DNAH2: variants seen among roughly 807,000 people sequenced by gnomAD.
The protein encoded by DNAH2 is dynein axonemal heavy chain 2.
A neutral mutation model predicts 523.5 loss-of-function variants in DNAH2; 323 were observed. The observed-to-expected ratio is 0.62, with a 90% confidence interval of 0.56 to 0.68. DNAH2 has a LOEUF of 0.68. Ranked by LOEUF, DNAH2 falls within the 30% of genes least tolerant of loss-of-function variation. The pLI, the probability that DNAH2 is intolerant of heterozygous loss-of-function variation, is 0.00. For synonymous variants in DNAH2, 2,093 were observed against 2,177.4 expected, an observed-to-expected ratio of 0.96 and a Z score of 1.08; for missense variants, 4,907 against 5,701.5, an observed-to-expected ratio of 0.86 and a Z score of 4.49.
Position 7,780,991 on chromosome 17 carries a change from A to G in DNAH2, c.6004-51A>G. On this transcript the variant is annotated intron_variant, in intron 38 of 85. Coordinates refer to ENST00000572933, the MANE Select transcript of DNAH2 (RefSeq NM_020877.5). The surrounding 1 kb of genome is among the most constrained non-coding windows in gnomAD (Gnocchi z 4.4). ...TGCCCCGAAGCCCTTTGGAGGTGAA[A>G]GGCCTAGGCCCTGCCTCCTCAAGCC... The G allele has an allele frequency of 6.2e-7, 1 of 1,612,198 alleles. No homozygotes were observed. The highest frequency in any genetic ancestry group is 1.1e-5 in the South Asian group (1 of 91,062).
rs565847000 is a variant in DNAH2, at chr17:7,767,882, C to T, written c.3676-18C>T. The T allele has an allele frequency of 5.3e-5, 86 of 1,613,798 alleles. 1 individual carries two copies. The South Asian group carries it at 6.5e-4, about 12-fold the overall frequency. ...AGGGCAGGTGCCACTTCATGCAACG[C>T]GCCTTTCTGCCCTGTAGGAGCTCGA... On this transcript the variant is annotated intron_variant, in intron 22 of 85. Transcript: ENST00000572933.
chr17:7,818,644 G>A lies in DNAH2; in HGVS notation c.10538G>A (p.Gly3513Asp), dbSNP rs1315684378. ...TIVNFAVKEQ[G>D]LEAQLLGIVV... ...CACTGTGAGTCCTGATGCCCCCAGG[G>A]CCTGGAGGCCCAGCTGCTGGGCATT... Residue 3513 changes from glycine to aspartate, a missense_variant and splice_region_variant, in exon 70 of 86, where the codon GGC (glycine) becomes GAC (aspartate). By Grantham distance (94) the Gly-to-Asp change is moderately conservative (BLOSUM62 -1). Coordinates refer to ENST00000572933, the MANE Select transcript of DNAH2 (RefSeq NM_020877.5). 6 of 1,613,788 alleles carry A rather than the reference G, an allele frequency of 3.7e-6. No homozygotes were observed. Among genetic ancestry groups the A allele is most frequent in the East Asian group, 2.2e-5 (1 of 44,894 alleles).
chr17:7,791,190 C>A (rs2151271603), intron 44 of DNAH2, among the ~76,000 whole-genome samples: 1 of 152,226 alleles, frequency 6.6e-6, no homozygotes, highest in Middle Eastern at 3.4e-3. Context: ...TCTCCTGCCT[C>A]AGCCTCCTGA....
chr17:7,809,256 G>A (rs73232377), intron 63 of DNAH2, among the ~76,000 whole-genome samples: 3,468 of 152,252 alleles, frequency 0.023, 117 homozygotes, highest in East Asian at 0.12. Flanking sequence ...GAGATCAAGG[G>A]CTCACTGGCT....
rs796326023 is a variant in DNAH2, at chr17:7,811,068, A to AT, written c.9729+3488dup. The stretch of plus-strand genomic sequence containing the variant: ...TGTATCCCCAAGTCTGAACATTCCC[A>AT]TTTTTTCCCATTTTGCATTCCAAAT... On this transcript the variant is annotated intron_variant, in intron 63 of 85. Transcript: ENST00000572933. Among the ~76,000 whole-genome samples the AT allele has an allele frequency of 1.7e-4, 26 of 152,112 alleles. No individual in the cohort carries two copies. In the South Asian group the frequency reaches 5.0e-3, roughly 29 times the overall value.
chr17:7,743,223 C>A, intron 12 of DNAH2, 81 bp downstream of exon 12: 1 of 1,336,016 alleles, frequency 7.5e-7, no homozygotes, highest in Non-Finnish European at 1.1e-6. Flanking sequence ...CTTTTGACTC[C>A]TCTCTTCATT....
rs758930892 is a variant in DNAH2, at chr17:7,802,020, A to G, written c.8972+3A>G. The G allele has an allele frequency of 1.2e-6, 2 of 1,614,028 alleles. No individual in the cohort carries two copies. Among genetic ancestry groups the G allele is most frequent in the South Asian group, 2.2e-5 (2 of 91,080 alleles). On this transcript the variant is annotated splice_donor_region_variant and intron_variant, in intron 58 of 85. Coordinates refer to ENST00000572933, the MANE Select transcript of DNAH2 (RefSeq NM_020877.5). ...GAACTCCTGTCTGGATATAAGAAGT[A>G]TGAAGGGGGGCAGGGGATGTGCAGG... is the stretch of plus-strand genomic sequence containing the variant.
At position 7,780,439 on chromosome 17, in the gene DNAH2, G is replaced by A. The variant is rs2076571330; in HGVS notation, c.5850+155G>A. ...GTGTGGGGAGAAAAATTTAGGGGAG[G>A]GAGGTGTCTCCTCCGTGATATCACT... On this transcript the variant is annotated intron_variant, in intron 37 of 85. Coordinates refer to ENST00000572933, the MANE Select transcript of DNAH2 (RefSeq NM_020877.5). This position sits in a 1 kb window ranked among gnomAD's most constrained non-coding sequence, Gnocchi z 4.4. 6.6e-6 allele frequency among the ~76,000 whole-genome samples: 1 copy of A among 152,192 alleles called. No homozygotes were observed. Among genetic ancestry groups the A allele is most frequent in the Non-Finnish European group, 1.5e-5 (1 of 68,030 alleles).
chr17:7,723,653 A>G lies in DNAH2; in HGVS notation c.192A>G (p.Ala64=). Residue 64 remains alanine (A), a synonymous_variant, in exon 3 of 86, where the codon GCA becomes GCG. Transcript: ENST00000572933. ...EPEPRLEGPQ[A]QSEESVEPEA... ...AGCCACGGTTGGAGGGACCTCAAGC[A>G]CAGAGTGAAGAATCAGTGGAGCCCG... The G allele has an allele frequency of 6.2e-7, 1 of 1,614,050 alleles. No individual in the cohort carries two copies. Among genetic ancestry groups the G allele is most frequent in the Non-Finnish European group, 8.5e-7 (1 of 1,179,982 alleles).
In DNAH2 at chr17:7,786,670, T is replaced by G; in HGVS notation, c.6449T>G (p.Met2150Arg). 1 of 1,613,982 alleles carries G rather than the reference T, an allele frequency of 6.2e-7. No homozygotes were observed. The highest frequency in any genetic ancestry group is 8.5e-7 in the Non-Finnish European group (1 of 1,180,026). Reference sequence around the variant, plus strand: ...ACAGATGGCATCTTGTCCAGTGTCATGCGGACGGCATGTGCAGGTATCCAG... The same window carrying G: ...ACAGATGGCATCTTGTCCAGTGTCAGGCGGACGGCATGTGCAGGTATCCAG... ...EWTDGILSSV[M>R]RTACADEKPD... Residue 2150 changes from methionine to arginine, a missense_variant, in exon 41 of 86, where the codon ATG (methionine) becomes AGG (arginine). This residue lies in a region of DNAH2 where 2,806 missense variants were observed against 3,190.8 expected (regional missense o/e 0.88). Transcript: ENST00000572933. The surrounding 1 kb of genome is among the most constrained non-coding windows in gnomAD (Gnocchi z 7.5).
chr17:7,792,416 C>A, intron 46 of DNAH2, 73 bp downstream of exon 46: 1 of 1,477,516 alleles, frequency 6.8e-7, no homozygotes, highest in Non-Finnish European at 9.4e-7. Flanking sequence ...AGAGATGGGG[C>A]CTAGAAGCAA....
Position 7,768,151 on chromosome 17 carries a change from A to G in DNAH2, c.3838-13A>G, listed in dbSNP as rs1267257849. On this transcript the variant is annotated splice_polypyrimidine_tract_variant and intron_variant, in intron 23 of 85. Transcript: ENST00000572933. Reference sequence around the variant, plus strand: ...GGTCGTCGGGTCTTCTCATGCCCCCAACTTTTGCTCAGGACCGAAACTGGG... The same window carrying G: ...GGTCGTCGGGTCTTCTCATGCCCCCGACTTTTGCTCAGGACCGAAACTGGG... The G allele has an allele frequency of 6.2e-7, 1 of 1,614,010 alleles. No homozygotes were observed. Among genetic ancestry groups the G allele is most frequent in the Non-Finnish European group, 8.5e-7 (1 of 1,180,026 alleles).
chr17:7,820,524 T>C (rs950903516), intron 72 of DNAH2, among the ~76,000 whole-genome samples: 1 of 152,132 alleles, frequency 6.6e-6, no homozygotes, highest in Non-Finnish European at 1.5e-5. Context: ...TGCTGTGATC[T>C]CTCTGCCTCT....
Position 7,766,448 on chromosome 17 carries a change from G to A in DNAH2, c.3642G>A (p.Gln1214=). The stretch of plus-strand genomic sequence containing the variant: ...ACCTGGGCATCTTCAAGATCGAGCA[G>A]CCACCCTCCAAGGACCTTCAGAACC... ...RANLGIFKIE[Q]PPSKDLQNLE... The change falls in exon 22 of 86, where the codon CAG becomes CAA. Residue 1214 remains glutamine (Q), a synonymous_variant. Coordinates refer to ENST00000572933, the MANE Select transcript of DNAH2 (RefSeq NM_020877.5). The A allele has an allele frequency of 6.2e-7, 1 of 1,613,896 alleles. No homozygotes were observed. Among genetic ancestry groups the A allele is most frequent in the Non-Finnish European group, 8.5e-7 (1 of 1,179,924 alleles).
In DNAH2 at chr17:7,832,506, T is replaced by C. The variant is rs566242701; in HGVS notation, c.12727-73T>C. 6.5e-7 allele frequency: 1 copy of C among 1,547,366 alleles called. No individual in the cohort carries two copies. Among genetic ancestry groups the C allele is most frequent in the East Asian group, 2.3e-5 (1 of 44,330 alleles). On this transcript the variant is annotated intron_variant, in intron 82 of 85. Transcript: ENST00000572933. The surrounding 1 kb of genome is among the most constrained non-coding windows in gnomAD (Gnocchi z 4.3). ...CCTGGGGGACAAGAGCAAAACTCTGTCTCTAAATAAATAAATAATACGGAT... is the reference window on the plus strand; with the variant it reads ...CCTGGGGGACAAGAGCAAAACTCTGCCTCTAAATAAATAAATAATACGGAT...
At position 7,740,508 on chromosome 17, in the gene DNAH2, G is replaced by A. The variant is rs1416908832; in HGVS notation, c.1465G>A (p.Val489Met). Residue 489 changes from valine to methionine, a missense_variant, in exon 10 of 86, where the codon GTG (valine) becomes ATG (methionine). Val to Met is a conservative substitution (Grantham distance 21). Around this residue, in one of 3 missense-constraint regions of DNAH2, gnomAD observed 2,806 missense variants for 3,190.8 expected, o/e 0.88. Transcript: ENST00000572933. ...FELVRDVPHG[V>M]LLLDTFHRLA... Reference sequence around the variant, plus strand: ...GTTGGTGCGGGACGTGCCGCACGGCGTGCTTCTGCTGGACACCTTCCACAG... The same window carrying A: ...GTTGGTGCGGGACGTGCCGCACGGCATGCTTCTGCTGGACACCTTCCACAG... The A allele has an allele frequency of 6.2e-7, 1 of 1,614,194 alleles. No individual in the cohort carries two copies. Among genetic ancestry groups the A allele is most frequent in the Non-Finnish European group, 8.5e-7 (1 of 1,180,036 alleles).
intron 27 of DNAH2, 98 bp downstream of exon 27, chr17:7,771,031 C>G: frequency 7.5e-7 from 1 of 1,332,454 alleles, no homozygotes; most frequent in Non-Finnish European, 1.0e-6. Context: ...CATTCTCCTA[C>G]CTTTAAAGTC....
In DNAH2 at chr17:7,760,090, T is replaced by G. The variant is rs1226323761; in HGVS notation, c.2785+152T>G. 1 of 1,188,590 alleles carries G rather than the reference T, an allele frequency of 8.4e-7. No homozygotes were observed. Among genetic ancestry groups the G allele is most frequent in the African/African-American group, 1.5e-5 (1 of 66,120 alleles). 73.6% of individuals were successfully genotyped at this position (1,188,590 alleles called of 1,614,324 possible). A position where few individuals can be genotyped will look rare whatever the true frequency, so the allele number is the denominator to read the frequency against. On this transcript the variant is annotated intron_variant, in intron 17 of 85. Transcript: ENST00000572933. This position sits in a 1 kb window ranked among gnomAD's most constrained non-coding sequence, Gnocchi z 4.0. ...ACTCAGGTCAAGGGGCCAGATCGGC[T>G]GGCACAGTGGCTTGTGCCTGTAATC...
rs773458794 is a variant in DNAH2, at chr17:7,768,288, CG to C, written c.3941+25del. On this transcript the variant is annotated intron_variant, in intron 24 of 85. Coordinates refer to ENST00000572933, the MANE Select transcript of DNAH2 (RefSeq NM_020877.5). ...GAGAGGTGAGGCTTCTCCTCTGCTC[CG>C]GGGTGTCCACTCTGCCCCGCTGGCC... is the stretch of plus-strand genomic sequence containing the variant. 8.7e-6 allele frequency: 14 copies of C among 1,613,290 alleles called. No individual in the cohort carries two copies. In the African/African-American group the frequency reaches 1.9e-4, roughly 22 times the overall value.
Sources: gnomAD v4.1 joint callset for allele counts (sites outside exome capture counted in the v4.1 genomes callset) on GRCh38, gnomAD v4.1.1 for gene constraint, gnomAD v4.1.1 regional missense constraint, Gnocchi (gnomAD v3.1) non-coding constraint, MANE v1.5 for transcripts, NCBI Gene and HGNC (gene_info 2026-07-23, HGNC 2026-07-21) for gene names.